Variants in WRN observed in about 807,000 individuals in gnomAD.
WRN encodes the protein WRN RecQ like helicase, also known as bifunctional 3'-5' exonuclease/ATP-dependent helicase WRN.
A neutral mutation model predicts 180.7 loss-of-function variants in WRN; 149 were observed. The ratio of observed to expected loss-of-function variants is 0.82; its 90% CI spans 0.72 to 0.94. WRN has a LOEUF of 0.94. Ranked by LOEUF, WRN falls within the 40% of genes least tolerant of loss-of-function variation. WRN has a pLI of 0.00. For synonymous variants in WRN, 548 were observed against 568.9 expected, an observed-to-expected ratio of 0.96 and a Z score of 0.52; for missense variants, 1,661 against 1,700.1, an observed-to-expected ratio of 0.98 and a Z score of 0.40.
At position 31,116,324 on chromosome 8, in the gene WRN, G is replaced by A. The variant is rs3087423; in HGVS notation, c.2274-30G>A. ...TCTGAAGCATGTATAAAGTATATAT[G>A]TTTGCTCTTTTGTTCTTCTTTTTCT... On this transcript the variant is annotated intron_variant, in intron 19 of 34. Transcript: ENST00000298139. The A allele has an allele frequency of 2.6e-3, 4,232 of 1,611,576 alleles. 103 individuals are homozygous for A. The African/African-American group carries it at 0.051, about 19-fold the overall frequency.
intron 34 of WRN, among the ~76,000 whole-genome samples, chr8:31,168,910 T>G (rs1395795499): frequency 6.6e-6 from 1 of 152,208 alleles, no homozygotes; most frequent in African/African-American, 2.4e-5. Flanking sequence ...TGTCCTTGTT[T>G]AACAGAAAGG....
Position 31,116,532 on chromosome 8 carries a change from T to C in WRN, c.2448+4T>C. 1 of 1,613,670 alleles carries C rather than the reference T, an allele frequency of 6.2e-7. No homozygotes were observed. The highest frequency in any genetic ancestry group is 8.5e-7 in the Non-Finnish European group (1 of 1,179,802). On this transcript the variant is annotated splice_donor_region_variant and intron_variant, in intron 20 of 34. Coordinates refer to ENST00000298139, the MANE Select transcript of WRN (RefSeq NM_000553.6). ...GTTTGTAAGAGATGAAATTCAGGTATGAGGATCAATCATCATTGCTCTCCG... is the reference window on the plus strand; with the variant it reads ...GTTTGTAAGAGATGAAATTCAGGTACGAGGATCAATCATCATTGCTCTCCG...
At chr8:31,143,052 C>CACACACACACACACACACACAT (rs1272452345) in intron 27 of WRN, among the ~76,000 whole-genome samples, 61 of 65,444 alleles carry the variant, frequency 9.3e-4, no homozygotes, top group South Asian at 4.8e-3. Context: ...CACACACACA[C>CACACACACACACACACACACAT]ACATTCTCTC....
At chr8:31,169,496 A>C (rs1211336650) in intron 34 of WRN, among the ~76,000 whole-genome samples, 1 of 151,648 alleles carries the variant, frequency 6.6e-6, no homozygotes, top group Non-Finnish European at 1.5e-5. Context: ...ATTTTAGATA[A>C]TTTTCCTAAT....
chr8:31,067,381 T>C (rs980721395), intron 6 of WRN, among the ~76,000 whole-genome samples, 199 bp downstream of exon 6: 2 of 152,208 alleles, frequency 1.3e-5, no homozygotes, highest in African/African-American at 4.8e-5. Context: ...AATCAACAGA[T>C]TGTTCAATGC....
intron 17 of WRN, among the ~76,000 whole-genome samples, chr8:31,097,879 C>A (rs556945014): frequency 6.6e-6 from 1 of 152,184 alleles, no homozygotes; most frequent in South Asian, 2.1e-4. Context: ...CTTCAGTTGG[C>A]CTAACCAAAT....
At chr8:31,040,212 T>C (rs1421247133) in intron 1 of WRN, among the ~76,000 whole-genome samples, 1 of 152,168 alleles carries the variant, frequency 6.6e-6, no homozygotes, top group African/African-American at 2.4e-5. Context: ...AAGGAGCAGT[T>C]TGGGGAAACT....
At chr8:31,151,006 T>C (rs1167659387) in intron 31 of WRN, among the ~76,000 whole-genome samples, 2 of 152,142 alleles carry the variant, frequency 1.3e-5, no homozygotes, top group East Asian at 1.9e-4. Flanking sequence ...TTCTCTAAAC[T>C]CCACGTAGCA....
intron 5 of WRN, among the ~76,000 whole-genome samples, chr8:31,066,484 T>A (rs923764850): frequency 6.6e-6 from 1 of 152,174 alleles, no homozygotes; most frequent in Non-Finnish European, 1.5e-5. Flanking sequence ...TAAGCAAGCC[T>A]TCTCTTTTCC....
intron 24 of WRN, 62 bp from the exon 25 acceptor site, chr8:31,141,367 GT>G: frequency 1.3e-6 from 2 of 1,594,610 alleles, no homozygotes. Flanking sequence ...ACAAGTCTGT[GT>G]TTTACTTAAC....
At chr8:31,075,438 G>A (rs1412871276) in intron 7 of WRN, among the ~76,000 whole-genome samples, 1 of 152,114 alleles carries the variant, frequency 6.6e-6, no homozygotes, top group African/African-American at 2.4e-5. Flanking sequence ...TTGGCCGGGG[G>A]TGGCAGCTCA....
intron 1 of WRN, among the ~76,000 whole-genome samples, chr8:31,041,677 A>G (rs1811662211): frequency 6.6e-6 from 1 of 152,148 alleles, no homozygotes; most frequent in Non-Finnish European, 1.5e-5. Context: ...AGGAGATATG[A>G]AGTTTAAGTG....
At chr8:31,147,323 A>G (rs763664010) in intron 29 of WRN, 41 bp from the exon 30 acceptor site, 8 of 1,591,230 alleles carry the variant, frequency 5.0e-6, no homozygotes, top group Non-Finnish European at 6.0e-6. Context: ...AGATCTTTTA[A>G]GTACACTTTA....
At chr8:31,113,381 C>G (rs1801393063) in intron 19 of WRN, among the ~76,000 whole-genome samples, 1 of 152,108 alleles carries the variant, frequency 6.6e-6, no homozygotes, top group African/African-American at 2.4e-5. Flanking sequence ...TTGCTCCTGG[C>G]TTTCTTGTCC....
chr8:31,105,178 G>A (rs1024034470), intron 18 of WRN, among the ~76,000 whole-genome samples: 3 of 152,164 alleles, frequency 2.0e-5, no homozygotes, highest in Admixed American at 6.5e-5. Context: ...TGTGAATTGA[G>A]CTCCAATGAT....
chr8:31,079,157 T>G (rs867148349), intron 8 of WRN, among the ~76,000 whole-genome samples: 14 of 152,228 alleles, frequency 9.2e-5, no homozygotes, highest in South Asian at 2.1e-4. Flanking sequence ...AATTTAATTT[T>G]GCTCTTGATT....
intron 17 of WRN, among the ~76,000 whole-genome samples, chr8:31,097,997 T>C (rs954687939): frequency 6.6e-6 from 1 of 152,212 alleles, no homozygotes; most frequent in African/African-American, 2.4e-5. Context: ...TACTTTCATA[T>C]AACTGTAGGA....
At chr8:31,073,737 G>C (rs1277651224) in intron 7 of WRN, among the ~76,000 whole-genome samples, 2 of 152,070 alleles carry the variant, frequency 1.3e-5, no homozygotes, top group Non-Finnish European at 2.9e-5. Context: ...AAAGAGGACT[G>C]GGAGGGCCAC....
chr8:31,088,830 T>A, intron 12 of WRN, 60 bp from the exon 13 acceptor site: 2 of 1,382,120 alleles, frequency 1.4e-6, no homozygotes, highest in South Asian at 2.4e-5. Context: ...TAAACTGTTT[T>A]CTCCCTCTAT....
Sources: gnomAD v4.1 joint callset for allele counts (sites outside exome capture counted in the v4.1 genomes callset) on GRCh38, gnomAD v4.1.1 for gene constraint, MANE v1.5 for transcripts, NCBI Gene and HGNC (gene_info 2026-07-23, HGNC 2026-07-21) for gene names.